Variants in GAN observed in about 807,000 individuals in gnomAD.
GAN encodes gigaxonin, also known as epididymis secretory sperm binding protein.
In GAN, 48 loss-of-function variants were observed where a neutral mutation model predicts 71.3. That is an observed-to-expected ratio of 0.67 (90% CI 0.53 to 0.86). GAN has a LOEUF of 0.86. Among genes scored for constraint, GAN ranks in the 40% least tolerant of loss-of-function variants. GAN has a pLI of 0.00. For synonymous variants in GAN, 386 were observed against 276.8 expected, an observed-to-expected ratio of 1.39 and a Z score of -3.92; for missense variants, 928 against 770.1, an observed-to-expected ratio of 1.21 and a Z score of -2.43.
At chr16:81,344,299 C>A (rs1284540651) in intron 1 of GAN, among the ~76,000 whole-genome samples, 1 of 152,176 alleles carries the variant, frequency 6.6e-6, no homozygotes, top group African/African-American at 2.4e-5. Context: ...GCCCGCATAG[C>A]CAAGAGAACC....
intron 1 of GAN, among the ~76,000 whole-genome samples, chr16:81,342,018 G>C (rs1909959694): frequency 6.6e-6 from 1 of 152,150 alleles, no homozygotes; most frequent in African/African-American, 2.4e-5. Flanking sequence ...AACCAACAAA[G>C]ATCAGAAGAG....
intron 1 of GAN, among the ~76,000 whole-genome samples, chr16:81,330,369 G>A (rs1909535157): frequency 6.6e-6 from 1 of 152,258 alleles, no homozygotes; most frequent in Non-Finnish European, 1.5e-5. Flanking sequence ...GAGCTCAGAA[G>A]ACAGGCTTTG....
chr16:81,366,705 A>T (rs932173220), intron 9 of GAN, among the ~76,000 whole-genome samples: 13 of 152,162 alleles, frequency 8.5e-5, no homozygotes, highest in African/African-American at 3.1e-4. Flanking sequence ...AGGAAAATTT[A>T]TTAGAGAGCA....
rs532830107 is a variant in GAN at position 81,384,676 on chromosome 16, A to C, written c.*7080A>C. The stretch of plus-strand genomic sequence containing the variant: ...TCCTCCTCACTTAAAGTGTTTCCTC[A>C]GTGCAGAGTTGAGGTTGGCAGAACT... On this transcript the variant is annotated 3_prime_UTR_variant, in exon 11 of 11. Coordinates refer to ENST00000648994, the MANE Select transcript of GAN (RefSeq NM_022041.4). 3 of 152,342 alleles carry C rather than the reference A, an allele frequency of 2.0e-5. No individual in the cohort carries two copies. In the East Asian group the frequency reaches 5.8e-4, roughly 29 times the overall value. The allele number at this position is 152,342 out of a possible 1,614,324, so 9.4% of individuals were successfully genotyped here.
intron 9 of GAN, among the ~76,000 whole-genome samples, chr16:81,374,800 A>G (rs7188645): frequency 0.66 from 99,750 of 152,096 alleles, 32,913 homozygotes; most frequent in East Asian, 0.75. Context: ...GCACTTCTTC[A>G]TAGAGCCTCA....
intron 7 of GAN, 110 bp from the exon 8 acceptor site, chr16:81,364,864 T>C: frequency 1.8e-6 from 2 of 1,093,530 alleles, no homozygotes; most frequent in South Asian, 2.5e-5. Context: ...CGGTTAGAAA[T>C]CAAACCCCTT....
intron 1 of GAN, among the ~76,000 whole-genome samples, chr16:81,325,382 T>A (rs1310594443): frequency 6.6e-6 from 1 of 152,138 alleles, no homozygotes; most frequent in Non-Finnish European, 1.5e-5. Context: ...GCAGGGCCAT[T>A]GAGGCAGAAC....
chr16:81,376,006 C>T (rs533558425), intron 9 of GAN, among the ~76,000 whole-genome samples: 13 of 151,090 alleles, frequency 8.6e-5, no homozygotes, highest in South Asian at 4.2e-4. Flanking sequence ...ATAAAATGAC[C>T]AATAAGCTCA....
At chr16:81,348,672 A>G (rs574395329) in intron 1 of GAN, among the ~76,000 whole-genome samples, 1 of 152,328 alleles carries the variant, frequency 6.6e-6, no homozygotes, top group Admixed American at 6.5e-5. Flanking sequence ...ATGATGTGAC[A>G]TGAGAAAGTT....
rs1322449450 is a variant in GAN at position 81,359,165 on chromosome 16, C to T, written c.973+1234C>T. Among the ~76,000 whole-genome samples the T allele has an allele frequency of 2.0e-5, 3 of 151,554 alleles. No individual in the cohort carries two copies. In the East Asian group the frequency reaches 5.8e-4, roughly 29 times the overall value. On this transcript the variant is annotated intron_variant, in intron 5 of 10. Transcript: ENST00000648994. Reference sequence around the variant, plus strand: ...AGCCTGCAGGATGTAGGTCTAGTTTCCCTGTTGCATCTTCTCAGAATTAGC... The same window carrying T: ...AGCCTGCAGGATGTAGGTCTAGTTTTCCTGTTGCATCTTCTCAGAATTAGC...
intron 1 of GAN, among the ~76,000 whole-genome samples, chr16:81,317,392 G>A (rs1256117668): frequency 1.3e-5 from 2 of 152,250 alleles, no homozygotes; most frequent in Non-Finnish European, 2.9e-5. Flanking sequence ...CATATTAGCT[G>A]TGAGTTGCTG....
rs1904405687 is a variant in GAN at position 81,386,519 on chromosome 16, C to T, written c.*8923C>T. 6.6e-6 allele frequency: 1 copy of T among 152,208 alleles called. No homozygotes were observed. Among genetic ancestry groups the T allele is most frequent in the African/African-American group, 2.4e-5 (1 of 41,446 alleles). The allele number at this position is 152,208 out of a possible 1,614,324, so 9.4% of individuals were successfully genotyped here. On this transcript the variant is annotated 3_prime_UTR_variant, in exon 11 of 11. Coordinates refer to ENST00000648994, the MANE Select transcript of GAN (RefSeq NM_022041.4). ...GGTACAAACAGTGAACTACTTAATCCTTCTATGGTATCATACACTTCTTTT... is the reference window on the plus strand; with the variant it reads ...GGTACAAACAGTGAACTACTTAATCTTTCTATGGTATCATACACTTCTTTT...
At chr16:81,320,722 AT>A (rs1272966081) in intron 1 of GAN, among the ~76,000 whole-genome samples, 4 of 152,170 alleles carry the variant, frequency 2.6e-5, no homozygotes, top group African/African-American at 7.2e-5. Context: ...CACACTTAAA[AT>A]AAAATTGACA....
At chr16:81,323,616 A>T (rs1239017647) in intron 1 of GAN, among the ~76,000 whole-genome samples, 2 of 152,216 alleles carry the variant, frequency 1.3e-5, no homozygotes, top group African/African-American at 4.8e-5. Flanking sequence ...ATTTCACAGT[A>T]AAGGGACCTT....
intron 1 of GAN, among the ~76,000 whole-genome samples, chr16:81,336,660 T>C (rs1909772921): frequency 6.6e-6 from 1 of 151,062 alleles, no homozygotes; most frequent in African/African-American, 2.4e-5. Flanking sequence ...ATTTTCTTTG[T>C]AGAGAGGAGG....
chr16:81,351,537 A>G (rs760570816), intron 1 of GAN, 46 bp from the exon 2 acceptor site: 12 of 817,092 alleles, frequency 1.5e-5, no homozygotes, highest in Non-Finnish European at 2.6e-5. Context: ...ATTTATAGCT[A>G]TTTCTGTTCT....
intron 1 of GAN, among the ~76,000 whole-genome samples, chr16:81,325,843 A>G (rs999722828): frequency 1.3e-5 from 2 of 152,336 alleles, no homozygotes; most frequent in African/African-American, 2.4e-5. Flanking sequence ...CTGTTTAAAC[A>G]CCTTAATTAT....
Position 81,323,260 on chromosome 16 carries a change from T to C in GAN, c.167+7980T>C, listed in dbSNP as rs547664353. ...CCTGCTTGGCCTCCTTAACAGCTAC[T>C]GTCTTGTGCGACCAAAGCTATCAAC... On this transcript the variant is annotated intron_variant, in intron 1 of 10. Coordinates refer to ENST00000648994, the MANE Select transcript of GAN (RefSeq NM_022041.4). 8.5e-5 allele frequency among the ~76,000 whole-genome samples: 13 copies of C among 152,294 alleles called. No homozygotes were observed. In the South Asian group the frequency reaches 2.7e-3, roughly 32 times the overall value.
chr16:81,328,477 C>A (rs762092772), intron 1 of GAN, among the ~76,000 whole-genome samples: 16 of 152,144 alleles, frequency 1.1e-4, no homozygotes, highest in South Asian at 4.1e-4. Context: ...ATAAACAAAT[C>A]AGAAAAAGAG....
Sources: gnomAD v4.1 joint callset for allele counts (sites outside exome capture counted in the v4.1 genomes callset) on GRCh38, gnomAD v4.1.1 for gene constraint, MANE v1.5 for transcripts, NCBI Gene and HGNC (gene_info 2026-07-23, HGNC 2026-07-21) for gene names.